The following CFAP47 variants were observed in gnomAD, a reference collection of about 807,000 sequenced individuals.
CFAP47 encodes the protein cilia- and flagella-associated protein 47.
CFAP47 carries 29 observed loss-of-function variants against 148.1 expected under a neutral mutation model. That is an observed-to-expected ratio of 0.20 (90% confidence interval 0.15 to 0.27). CFAP47 has a LOEUF of 0.27. Among genes scored for constraint, CFAP47 ranks in the 10% least tolerant of loss-of-function variants. CFAP47 has a pLI of 1.00. For synonymous variants in CFAP47, 664 were observed against 577.3 expected, an observed-to-expected ratio of 1.15 and a Z score of -2.15; for missense variants, 1,872 against 1,697.5, an observed-to-expected ratio of 1.10 and a Z score of -1.81.
chrX:35,996,054 A>G (rs1326020569), intron 18 of CFAP47, among the ~76,000 whole-genome samples: 1 of 110,802 alleles, frequency 9.0e-6, no homozygotes, highest in African/African-American at 3.3e-5. Flanking sequence ...ATGAGGAGTG[A>G]TGTTGTCCAG....
In CFAP47 at chrX:36,310,913, T is replaced by A; in HGVS notation, c.8268T>A (p.Ile2756=). The A allele has an allele frequency of 1.8e-6, 2 of 1,141,200 alleles. No homozygotes were observed. Among genetic ancestry groups the A allele is most frequent in the South Asian group, 3.9e-5 (2 of 51,534 alleles). The allele number at this position is 1,141,200 out of a possible 1,213,427, so 94.0% of individuals were successfully genotyped here. The change falls in exon 56 of 64, where the codon ATT becomes ATA. Residue 2756 remains isoleucine, a synonymous_variant. Coordinates refer to ENST00000378653, the MANE Select transcript of CFAP47 (RefSeq NM_001304548.2). ...PLDTERITTR[I]GLQSTIVIPF... ...ACACGGAAAGAATAACCACACGCATTGGTCTTCAGTCAACTATTGTTATAC... is the reference window on the plus strand; with the variant it reads ...ACACGGAAAGAATAACCACACGCATAGGTCTTCAGTCAACTATTGTTATAC...
At chrX:36,142,081 A>T (rs746108594) in intron 35 of CFAP47, among the ~76,000 whole-genome samples, 13 of 112,426 alleles carry the variant, frequency 1.2e-4, no homozygotes, top group Non-Finnish European at 2.4e-4. Context: ...AAAGGGGAAA[A>T]TGATTGTTGG....
intron 57 of CFAP47, among the ~76,000 whole-genome samples, chrX:36,337,378 C>G (rs187812454): frequency 2.5e-3 from 285 of 111,891 alleles, no homozygotes; most frequent in African/African-American, 7.6e-3. Flanking sequence ...AAAAAGAGGA[C>G]TAATACCTGC....
intron 30 of CFAP47, among the ~76,000 whole-genome samples, chrX:36,098,386 A>G (rs778755323): frequency 9.0e-6 from 1 of 111,590 alleles, no homozygotes; most frequent in Non-Finnish European, 1.9e-5. Context: ...GTATTTGGGC[A>G]TTGAAGAGTT....
Position 36,104,191 on chromosome X carries a change from A to G in CFAP47, c.5128-308A>G, listed in dbSNP as rs776605831. Among the ~76,000 whole-genome samples, 21 of 112,321 alleles carry G rather than the reference A, an allele frequency of 1.9e-4. No individual in the cohort carries two copies. In the South Asian group the frequency reaches 7.8e-3, roughly 42 times the overall value. On this transcript the variant is annotated intron_variant, in intron 32 of 63. Coordinates refer to ENST00000378653, the MANE Select transcript of CFAP47 (RefSeq NM_001304548.2). The stretch of plus-strand genomic sequence containing the variant: ...AGGCATCTTACATCCTTGTGTTTTA[A>G]ATGAATTTACATCCTAACAGAAATG...
chrX:36,171,075 T>G (rs1295170025), intron 39 of CFAP47, among the ~76,000 whole-genome samples: 1 of 111,339 alleles, frequency 9.0e-6, no homozygotes, highest in Non-Finnish European at 1.9e-5. Context: ...TCATGTGTTT[T>G]TTGGCTGCAT....
chrX:36,321,610 A>G (rs1941479712), intron 57 of CFAP47, among the ~76,000 whole-genome samples: 2 of 111,731 alleles, frequency 1.8e-5, no homozygotes, highest in African/African-American at 6.5e-5. Context: ...CACACATTCT[A>G]TGCCTGTATC....
chrX:35,926,283 G>A, intron 2 of CFAP47, 115 bp downstream of exon 2: 1 of 527,666 alleles, frequency 1.9e-6, no homozygotes, highest in South Asian at 6.5e-5. Flanking sequence ...TGAACTTAAA[G>A]GACACATTTT....
intron 3 of CFAP47, among the ~76,000 whole-genome samples, chrX:35,946,555 A>C (rs1936087887): frequency 8.9e-6 from 1 of 112,164 alleles, no homozygotes; most frequent in Non-Finnish European, 1.9e-5. Context: ...TATAAAATTA[A>C]CTTCAAATAT....
At chrX:36,137,410 C>T (rs188222623) in intron 33 of CFAP47, among the ~76,000 whole-genome samples, 1 of 111,323 alleles carries the variant, frequency 9.0e-6, no homozygotes, top group East Asian at 2.8e-4. Context: ...GCGTAGTAAT[C>T]ATGTCTGTAA....
At chrX:36,044,863 T>G (rs766214699) in intron 25 of CFAP47, among the ~76,000 whole-genome samples, 1 of 112,245 alleles carries the variant, frequency 8.9e-6, no homozygotes, top group Admixed American at 9.5e-5. Flanking sequence ...ATTCTATTAT[T>G]TTTTATTTCT....
intron 33 of CFAP47, among the ~76,000 whole-genome samples, chrX:36,123,419 A>G (rs1231420199): frequency 8.9e-6 from 1 of 112,023 alleles, no homozygotes; most frequent in Non-Finnish European, 1.9e-5. Context: ...GTGCTGTTCA[A>G]CAGCCAGGGA....
intron 62 of CFAP47, chrX:36,374,888 C>A (rs924868214): frequency 1.3e-4 from 103 of 809,136 alleles, no homozygotes; most frequent in Non-Finnish European, 1.7e-4. Context: ...ATAATGAAAC[C>A]AAACTGGCAC....
Position 36,138,476 on chromosome X carries a change from TA to T in CFAP47, c.5535+13del. The T allele has an allele frequency of 8.8e-7, 1 of 1,133,433 alleles. No homozygotes were observed. Among genetic ancestry groups the T allele is most frequent in the Non-Finnish European group, 1.2e-6 (1 of 863,259 alleles). The allele number at this position is 1,133,433 out of a possible 1,213,427, so 93.4% of individuals were successfully genotyped here. ...ACGTGGAAATACAGGTGGGTGCCTT[TA>T]TATTAAACATTCTACAAACATTTTA... On this transcript the variant is annotated intron_variant, in intron 35 of 63. Coordinates refer to ENST00000378653, the MANE Select transcript of CFAP47 (RefSeq NM_001304548.2).
In CFAP47 at chrX:36,080,606, A is replaced by G. The variant is rs183059089; in HGVS notation, c.4692-4708A>G. Among the ~76,000 whole-genome samples, 715 of 111,979 alleles carry G rather than the reference A, an allele frequency of 6.4e-3. 3 individuals carry two copies. The highest frequency in any genetic ancestry group is 0.021 in the African/African-American group (639 of 30,832). On this transcript the variant is annotated intron_variant, in intron 29 of 63. Transcript: ENST00000378653. ...CATGGAATACTATGAAGCCACAAAA[A>G]AGGATGAGTTCATGTCCTTTGCAGC...
chrX:35,995,926 T>C (rs1228957643), intron 18 of CFAP47, among the ~76,000 whole-genome samples: 6 of 111,745 alleles, frequency 5.4e-5, no homozygotes, highest in African/African-American at 1.9e-4. Context: ...TCAAAGTCTC[T>C]TCGATATGTG....
At chrX:35,925,466 G>A (rs1315307087) in intron 1 of CFAP47, among the ~76,000 whole-genome samples, 2 of 111,749 alleles carry the variant, frequency 1.8e-5, no homozygotes, top group Non-Finnish European at 3.8e-5. Flanking sequence ...TGATGGATAT[G>A]TTAATTAGCC....
At chrX:36,223,591 T>C (rs2146897261) in intron 45 of CFAP47, among the ~76,000 whole-genome samples, 1 of 111,266 alleles carries the variant, frequency 9.0e-6, no homozygotes, top group Non-Finnish European at 1.9e-5. Flanking sequence ...GATGTGTTTT[T>C]ATACAATTAT....
At chrX:36,028,514 C>T (rs1937246571) in intron 22 of CFAP47, among the ~76,000 whole-genome samples, 1 of 110,731 alleles carries the variant, frequency 9.0e-6, no homozygotes, top group Admixed American at 9.6e-5. Flanking sequence ...AAATGTTTTC[C>T]CATTTGTTGT....
Sources: gnomAD v4.1 joint callset for allele counts (sites outside exome capture counted in the v4.1 genomes callset) on GRCh38, gnomAD v4.1.1 for gene constraint, MANE v1.5 for transcripts, NCBI Gene and HGNC (gene_info 2026-07-23, HGNC 2026-07-21) for gene names.